Variants in CHFR observed in about 807,000 individuals in gnomAD.
The protein encoded by CHFR is E3 ubiquitin-protein ligase CHFR.
CHFR carries 57 observed loss-of-function variants against 87.6 expected under a neutral mutation model. That is an observed-to-expected ratio of 0.65 (90% CI 0.53 to 0.81). The LOEUF is 0.81. Among genes scored for constraint, CHFR ranks in the 30% least tolerant of loss-of-function variants. The probability of loss-of-function intolerance (pLI) is 0.00; values close to 1 mark genes in which losing one functional copy is unlikely to be tolerated. For synonymous variants in CHFR, 381 were observed against 359.2 expected (o/e 1.06, Z -0.69); for missense variants, 797 against 865.8 (o/e 0.92, Z 1.00).
rs1950677037 is a variant in CHFR at position 132,839,697 on chromosome 12, C to T, written c.*1857G>A. 1 of 163,006 alleles carries T rather than the reference C, an allele frequency of 6.1e-6. No homozygotes were observed. Among genetic ancestry groups the T allele is most frequent in the East Asian group, 2.1e-4 (1 of 4,748 alleles). 10.1% of individuals were successfully genotyped at this position (163,006 alleles called of 1,614,324 possible). A position where few individuals can be genotyped will look rare whatever the true frequency, so the allele number is the denominator to read the frequency against. On this transcript the variant is annotated 3_prime_UTR_variant, in exon 18 of 18. Transcript: ENST00000450056. ...CCCTCACCCCTGCACCAACTCAAGA[C>T]TTCCCTTCTTGGCCTCACCCCTGCA...
intron 7 of CHFR, 144 bp from the exon 8 acceptor site, chr12:132,859,371 G>A (rs889943273): frequency 9.6e-6 from 8 of 831,012 alleles, no homozygotes; most frequent in East Asian, 8.2e-5. Context: ...TTTTTTTCGA[G>A]ACAGAGTCTC....
At chr12:132,847,669 T>A in intron 14 of CHFR, 4 of 1,096,498 alleles carry the variant, frequency 3.6e-6, no homozygotes, top group Non-Finnish European at 4.5e-6. Context: ...TAAACATATG[T>A]AAATCCTAGA....
Position 132,840,219 on chromosome 12 carries a change from A to C in CHFR, c.*1335T>G, listed in dbSNP as rs577967891. The C allele has an allele frequency of 1.3e-5, 2 of 152,526 alleles. No homozygotes were observed. Among genetic ancestry groups the C allele is most frequent in the East Asian group, 3.9e-4 (2 of 5,186 alleles). The allele number at this position is 152,526 out of a possible 1,614,324, so 9.4% of individuals were successfully genotyped here. A position where few individuals can be genotyped will look rare whatever the true frequency, so the allele number is the denominator to read the frequency against. On this transcript the variant is annotated 3_prime_UTR_variant, in exon 18 of 18. Coordinates refer to ENST00000450056, the MANE Select transcript of CHFR (RefSeq NM_001161346.2). ...AAGAGACCTGAGCAGGTTTCACAGGAGTCACTGAGGGACAGCAGGTGACAG... is the reference window on the plus strand; with the variant it reads ...AAGAGACCTGAGCAGGTTTCACAGGCGTCACTGAGGGACAGCAGGTGACAG...
Position 132,838,335 on chromosome 12 carries a change from T to C in CHFR, c.*3219A>G, listed in dbSNP as rs1950663635. On this transcript the variant is annotated 3_prime_UTR_variant, in exon 18 of 18. Coordinates refer to ENST00000450056, the MANE Select transcript of CHFR (RefSeq NM_001161346.2). ...TTGGCCTGAATCCCTCAGTCTGTTTTAAGCCAATCTGCCCAGACTTCCTGG... is the reference window on the plus strand; with the variant it reads ...TTGGCCTGAATCCCTCAGTCTGTTTCAAGCCAATCTGCCCAGACTTCCTGG... 1 of 152,350 alleles carries C rather than the reference T, an allele frequency of 6.6e-6. No homozygotes were observed. The highest frequency in any genetic ancestry group is 2.1e-4 in the South Asian group (1 of 4,834). 9.4% of individuals were successfully genotyped at this position (152,350 alleles called of 1,614,324 possible). A position where few individuals can be genotyped will look rare whatever the true frequency, so the allele number is the denominator to read the frequency against.
At chr12:132,846,258 ACTGT>A (rs1950818886) in intron 15 of CHFR, among the ~76,000 whole-genome samples, 1 of 116,744 alleles carries the variant, frequency 8.6e-6, no homozygotes, top group African/African-American at 2.8e-5. Flanking sequence ...TTCATGCTTA[ACTGT>A]CTTTTTTTTT....
Position 132,869,782 on chromosome 12 carries a change from A to T in CHFR, c.420T>A (p.Gly140=), listed in dbSNP as rs1053846225. The stretch of plus-strand genomic sequence containing the variant: ...CCCGGGGATCGGCCCCTCGCCCTGC[A>T]CCTGCACCTGAGGTATCTTTGGTCC... ...TQESFDTSGA[G]AGRGADPRVP... is the part of the protein sequence containing the mutation. Residue 140 remains glycine, a synonymous_variant, in exon 6 of 18, where the codon GGT becomes GGA. Transcript: ENST00000450056. 26 of 1,551,326 alleles carry T rather than the reference A, an allele frequency of 1.7e-5. No individual in the cohort carries two copies. The highest frequency in any genetic ancestry group is 2.1e-5 in the Non-Finnish European group (24 of 1,146,996).
At chr12:132,853,352 G>A (rs887701014) in intron 11 of CHFR, 79 bp downstream of exon 11, 12 of 1,360,236 alleles carry the variant, frequency 8.8e-6, no homozygotes, top group Middle Eastern at 2.6e-4. Flanking sequence ...GGCAGAGCGC[G>A]GCCACGTGCA....
intron 8 of CHFR, 134 bp downstream of exon 8, chr12:132,858,934 G>T: frequency 1.2e-6 from 1 of 817,974 alleles, no homozygotes; most frequent in Non-Finnish European, 1.9e-6. Flanking sequence ...CCACTTATCT[G>T]GGTGACAGAG....
At chr12:132,882,646 C>A (rs1371854307) in intron 2 of CHFR, among the ~76,000 whole-genome samples, 1 of 151,962 alleles carries the variant, frequency 6.6e-6, no homozygotes, top group Non-Finnish European at 1.5e-5. Context: ...AAAACCAGTG[C>A]AAGTCACGGT....
intron 2 of CHFR, among the ~76,000 whole-genome samples, chr12:132,881,234 G>A (rs1481306679): frequency 6.6e-6 from 1 of 150,932 alleles, no homozygotes; most frequent in Non-Finnish European, 1.5e-5. Flanking sequence ...ACTCCAGCCT[G>A]GCAACAGAGC....
At chr12:132,861,271 T>C (rs955258160) in intron 7 of CHFR, among the ~76,000 whole-genome samples, 196 bp downstream of exon 7, 3 of 152,206 alleles carry the variant, frequency 2.0e-5, no homozygotes, top group East Asian at 3.9e-4. Flanking sequence ...CAGTTCTATC[T>C]GGATTATGCA....
rs1182092616 is a variant in CHFR at position 132,836,886 on chromosome 12, AAAC to A, written c.*4665_*4667del. ...CTGGGGCCAAACATTTCAGACAAAT[AAAC>A]AACAGTGGGCAGACAGGCAAGATCC... On this transcript the variant is annotated 3_prime_UTR_variant, in exon 18 of 18. Coordinates refer to ENST00000450056, the MANE Select transcript of CHFR (RefSeq NM_001161346.2). 5.0e-6 allele frequency: 2 copies of A among 398,126 alleles called. No individual in the cohort carries two copies. The highest frequency in any genetic ancestry group is 7.1e-5 in the East Asian group (1 of 14,016). 24.7% of individuals were successfully genotyped at this position (398,126 alleles called of 1,614,324 possible). A position where few individuals can be genotyped will look rare whatever the true frequency, so the allele number is the denominator to read the frequency against.
chr12:132,861,771 C>T (rs566176218), intron 6 of CHFR, 137 bp from the exon 7 acceptor site: 3 of 730,744 alleles, frequency 4.1e-6, no homozygotes, highest in African/African-American at 1.8e-5. Flanking sequence ...AAGTGGCTTA[C>T]GAGGAGTGTG....
chr12:132,853,616 C>G, intron 10 of CHFR, 43 bp from the exon 11 acceptor site: 1 of 1,489,412 alleles, frequency 6.7e-7, no homozygotes, highest in East Asian at 2.7e-5. Flanking sequence ...GGCCCCAAGC[C>G]TCTCAGGTAG....
At position 132,859,236 on chromosome 12, in the gene CHFR, G is replaced by C. The variant is rs749465714; in HGVS notation, c.752-9C>G. ...CAGGTCAAGGTCCCCATCTACAGGA[G>C]AAAGGGATGTGTTCTGTCGTAACCA... is the stretch of plus-strand genomic sequence containing the variant. On this transcript the variant is annotated splice_polypyrimidine_tract_variant and intron_variant, in intron 7 of 17. Transcript: ENST00000450056. 6.2e-6 allele frequency: 10 copies of C among 1,610,792 alleles called. No homozygotes were observed. Among genetic ancestry groups the C allele is most frequent in the Non-Finnish European group, 8.5e-6 (10 of 1,178,322 alleles).
chr12:132,873,176 C>A (rs1951531145), intron 3 of CHFR, among the ~76,000 whole-genome samples: 1 of 152,158 alleles, frequency 6.6e-6, no homozygotes, highest in Admixed American at 6.5e-5. Flanking sequence ...CAGCAGTGGA[C>A]AGAACTCACA....
intron 3 of CHFR, among the ~76,000 whole-genome samples, chr12:132,874,291 C>T (rs558707066): frequency 1.3e-5 from 2 of 152,370 alleles, no homozygotes; most frequent in Admixed American, 6.5e-5. Context: ...CTGAAGCAGG[C>T]GGGACGGCCC....
Position 132,844,045 on chromosome 12 carries a change from G to C in CHFR, c.1825C>G (p.Pro609Ala). 2.5e-6 allele frequency: 4 copies of C among 1,612,888 alleles called. No individual in the cohort carries two copies. The highest frequency in any genetic ancestry group is 2.5e-6 in the Non-Finnish European group (3 of 1,178,976). The part of the protein sequence containing the change: ...ELTYQYRQNI[P>A]ASELPVAVTS... ...TCCTTACCTGGCAACTCGGAAGCAG[G>C]AATGTTCTGCCGATACTGATAGGTC... Residue 609 changes from proline to alanine, a missense_variant, in exon 16 of 18, where the codon CCT becomes GCT. This residue lies in a region of CHFR where 200 missense variants were observed against 264.6 expected (regional missense o/e 0.76). Coordinates refer to ENST00000450056, the MANE Select transcript of CHFR (RefSeq NM_001161346.2).
At chr12:132,848,251 A>G (rs1339013128) in intron 13 of CHFR, 96 bp from the exon 14 acceptor site, 2 of 1,577,558 alleles carry the variant, frequency 1.3e-6, no homozygotes, top group Admixed American at 1.9e-5. Flanking sequence ...TCTTTTCATT[A>G]CAGATTCTAG....
Sources: gnomAD v4.1 joint callset for allele counts (sites outside exome capture counted in the v4.1 genomes callset) on GRCh38, gnomAD v4.1.1 for gene constraint, gnomAD v4.1.1 regional missense constraint, MANE v1.5 for transcripts, NCBI Gene and HGNC (gene_info 2026-07-23, HGNC 2026-07-21) for gene names.